Variants in SLC14A2 observed in about 807,000 individuals in gnomAD.
The protein encoded by SLC14A2 is urea transporter 2.
SLC14A2 carries 91 observed loss-of-function variants against 104.6 expected under a neutral mutation model. The observed-to-expected ratio is 0.87, with a 90% CI of 0.73 to 1.04. The LOEUF is 1.04. Among genes scored for constraint, SLC14A2 ranks in the 50% least tolerant of loss-of-function variants. The probability of loss-of-function intolerance (pLI) is 0.00; values close to 1 mark genes in which losing one functional copy is unlikely to be tolerated. For missense variants in SLC14A2, 1,189 were observed against 1,156.0 expected, an observed-to-expected ratio of 1.03 and a Z score of -0.41; for synonymous variants, 476 against 466.4, an observed-to-expected ratio of 1.02 and a Z score of -0.27.
At chr18:45,625,967 C>A in intron 3 of SLC14A2, 104 bp downstream of exon 3, 1 of 884,896 alleles carries the variant, frequency 1.1e-6, no homozygotes, top group Non-Finnish European at 1.6e-6. Flanking sequence ...TTCACCCTCA[C>A]CCTGGGTGGA....
At chr18:45,663,987 T>C (rs1361921145) in intron 11 of SLC14A2, 80 bp downstream of exon 11, 7 of 1,434,704 alleles carry the variant, frequency 4.9e-6, no homozygotes, top group Non-Finnish European at 6.6e-6. Flanking sequence ...AATACCTACT[T>C]CACAGGGTGG....
the SLC14A2 span, among the ~76,000 whole-genome samples, chr18:45,184,787 T>C: frequency 6.6e-6 from 1 of 152,238 alleles, no homozygotes; most frequent in Non-Finnish European, 1.5e-5. Context: ...TCACAACATC[T>C]GAATCCAGAA....
At chr18:45,450,372 A>G (rs1460679628) in intron 1 of SLC14A2, among the ~76,000 whole-genome samples, 1 of 152,228 alleles carries the variant, frequency 6.6e-6, no homozygotes, top group African/African-American at 2.4e-5. Flanking sequence ...ACCCAGGGTC[A>G]ACATTTCTTC....
At chr18:45,627,296 A>C in intron 4 of SLC14A2, 149 bp downstream of exon 4, 1 of 648,674 alleles carries the variant, frequency 1.5e-6, no homozygotes, top group South Asian at 2.0e-5. Context: ...GTCCTTGCAG[A>C]ATTACACTGC....
intron 1 of SLC14A2, among the ~76,000 whole-genome samples, chr18:45,274,718 G>A (rs971884585): frequency 6.6e-6 from 1 of 152,216 alleles, no homozygotes; most frequent in African/African-American, 2.4e-5. Context: ...TTAATTCTGT[G>A]GTAGTAGTTT....
the SLC14A2 span, among the ~76,000 whole-genome samples, chr18:45,204,066 A>G: frequency 5.9e-5 from 9 of 152,324 alleles, no homozygotes; most frequent in South Asian, 1.9e-3. Flanking sequence ...CATAGAATAT[A>G]TGATATGTGA....
chr18:45,456,271 A>G (rs2086942014), intron 1 of SLC14A2, among the ~76,000 whole-genome samples: 1 of 152,310 alleles, frequency 6.6e-6, no homozygotes, highest in Non-Finnish European at 1.5e-5. Flanking sequence ...GTCTCCAGTC[A>G]GGCTTCTCAT....
chr18:45,209,360 AC>A (rs2083943059), upstream of SLC14A2, among the ~76,000 whole-genome samples: 1 of 151,780 alleles, frequency 6.6e-6, no homozygotes, highest in Non-Finnish European at 1.5e-5. Context: ...AACAACAACA[AC>A]AACAACAACA....
chr18:45,414,751 A>ATATATATAT (rs1568189973), intron 1 of SLC14A2, among the ~76,000 whole-genome samples: 7 of 70,890 alleles, frequency 9.9e-5, no homozygotes, highest in African/African-American at 3.5e-4. Flanking sequence ...GCGTAAAAAA[A>ATATATATAT]AAAAAAATAT....
chr18:45,418,207 A>C (rs2612566), intron 1 of SLC14A2, among the ~76,000 whole-genome samples: 116,763 of 152,042 alleles, frequency 0.77, 45,506 homozygotes, highest in East Asian at 0.87. Flanking sequence ...TGGGGGGAAC[A>C]GCAATAAAAG....
At chr18:45,589,597 G>A (rs543084358) in intron 2 of SLC14A2, among the ~76,000 whole-genome samples, 10 of 152,122 alleles carry the variant, frequency 6.6e-5, no homozygotes, top group African/African-American at 2.2e-4. Flanking sequence ...TAGTCATTCC[G>A]GATCAAATTC....
intron 1 of SLC14A2, among the ~76,000 whole-genome samples, chr18:45,254,563 C>G (rs2084456555): frequency 6.6e-6 from 1 of 152,164 alleles, no homozygotes; most frequent in South Asian, 2.1e-4. Context: ...GTGAAACAAC[C>G]TCAATTTTCA....
intron 1 of SLC14A2, among the ~76,000 whole-genome samples, chr18:45,247,900 G>C (rs2084382840): frequency 6.6e-6 from 1 of 152,096 alleles, no homozygotes; most frequent in African/African-American, 2.4e-5. Context: ...AGAGAGGAAG[G>C]TGGTGGAATT....
At chr18:45,482,450 ATC>A (rs1194973591) in intron 1 of SLC14A2, 10 of 152,194 alleles carry the variant, frequency 6.6e-5, no homozygotes, top group Admixed American at 6.5e-4. Flanking sequence ...TCTGACTCAG[ATC>A]TCTCACAAGG....
At chr18:45,435,923 T>A (rs1212227180) in intron 1 of SLC14A2, among the ~76,000 whole-genome samples, 1 of 152,174 alleles carries the variant, frequency 6.6e-6, no homozygotes, top group Non-Finnish European at 1.5e-5. Flanking sequence ...ATTCCTATAT[T>A]TAGGTTTCTC....
At chr18:45,680,907 A>C (rs946922438) in intron 19 of SLC14A2, among the ~76,000 whole-genome samples, 1 of 151,916 alleles carries the variant, frequency 6.6e-6, no homozygotes. Context: ...GCTGAATGGA[A>C]CTCATCACTC....
At chr18:45,192,042 T>C in the SLC14A2 span, among the ~76,000 whole-genome samples, 2 of 152,150 alleles carry the variant, frequency 1.3e-5, no homozygotes, top group Non-Finnish European at 2.9e-5. Flanking sequence ...CATGAGAATA[T>C]CCATATGCTA....
intron 2 of SLC14A2, among the ~76,000 whole-genome samples, chr18:45,586,259 A>G (rs2044565892): frequency 6.6e-6 from 1 of 152,174 alleles, no homozygotes; most frequent in African/African-American, 2.4e-5. Flanking sequence ...TGAGGGGGCA[A>G]GTCCCACACC....
At chr18:45,548,575 G>A (rs527570631) in intron 2 of SLC14A2, among the ~76,000 whole-genome samples, 35 of 152,276 alleles carry the variant, frequency 2.3e-4, no homozygotes, top group Admixed American at 6.5e-4. Context: ...GTGGTGACAT[G>A]CACCTGTGGT....
Sources: gnomAD v4.1 joint callset for allele counts (sites outside exome capture counted in the v4.1 genomes callset) on GRCh38, gnomAD v4.1.1 for gene constraint, MANE v1.5 for transcripts, NCBI Gene and HGNC (gene_info 2026-07-23, HGNC 2026-07-21) for gene names.